The following IBTK variants were observed in gnomAD, a reference collection of about 807,000 sequenced individuals.
The protein encoded by IBTK is inhibitor of Bruton tyrosine kinase, also known as BTK-binding protein.
In IBTK, 83 loss-of-function variants were observed where a neutral mutation model predicts 154.9. That is an observed-to-expected ratio of 0.54 (90% CI 0.45 to 0.64). The LOEUF (loss-of-function observed/expected upper bound fraction) is 0.64, where lower values mean the gene tolerates loss of function less well. Ranked by LOEUF, IBTK falls within the 30% of genes least tolerant of loss-of-function variation. The pLI is 0.00. For missense variants in IBTK, 1,332 were observed against 1,584.6 expected (o/e 0.84, Z 2.71); for synonymous variants, 515 against 536.1 (o/e 0.96, Z 0.54).
chr6:82,237,643 G>GAAGA (rs1479540276), intron 2 of IBTK, among the ~76,000 whole-genome samples: 1 of 142,950 alleles, frequency 7.0e-6, no homozygotes, highest in African/African-American at 2.6e-5. Context: ...AGTAGTAGTA[G>GAAGA]TAGTAGAAGA....
At chr6:82,196,240 T>A in intron 22 of IBTK, 58 bp downstream of exon 22, 1 of 1,355,360 alleles carries the variant, frequency 7.4e-7, no homozygotes, top group Non-Finnish European at 9.9e-7. Flanking sequence ...ATATTAAAGA[T>A]AAACCATCTA....
At chr6:82,188,683 TG>T (rs1464406922) in intron 25 of IBTK, among the ~76,000 whole-genome samples, 1 of 152,122 alleles carries the variant, frequency 6.6e-6, no homozygotes, top group African/African-American at 2.4e-5. Context: ...TTTTAATGAT[TG>T]GAAAAAGTCA....
intron 1 of IBTK, among the ~76,000 whole-genome samples, chr6:82,241,569 T>TCAAAGG (rs1770954045): frequency 6.6e-6 from 1 of 152,014 alleles, no homozygotes; most frequent in South Asian, 2.1e-4. Flanking sequence ...TCTAGATGGT[T>TCAAAGG]CAAAGGCAAA....
At chr6:82,187,922 T>A (rs750568650) in intron 25 of IBTK, among the ~76,000 whole-genome samples, 4 of 151,966 alleles carry the variant, frequency 2.6e-5, no homozygotes, top group Non-Finnish European at 5.9e-5. Flanking sequence ...TGAAAACCTA[T>A]TACAAATGGT....
Position 82,223,451 on chromosome 6 carries a change from C to T in IBTK, c.1113G>A (p.Lys371=). The T allele has an allele frequency of 6.2e-7, 1 of 1,611,172 alleles. No individual in the cohort carries two copies. The highest frequency in any genetic ancestry group is 1.1e-5 in the South Asian group (1 of 90,194). The change falls in exon 8 of 29, where the codon AAG becomes AAA. Residue 371 remains lysine, a synonymous_variant. Coordinates refer to ENST00000306270, the MANE Select transcript of IBTK (RefSeq NM_015525.4). The part of the protein sequence containing the change: ...IYLLADYQCK[K]MASKQLNLKK... ...AGAAATACACATACTTAGAAGCCAT[C>T]TTCTTGCACTGATAGTCTGCAAGTA...
intron 1 of IBTK, among the ~76,000 whole-genome samples, chr6:82,242,507 A>G (rs9361906): frequency 0.24 from 36,239 of 152,084 alleles, 4,380 homozygotes; most frequent in African/African-American, 0.28. Context: ...GGCAAAACCT[A>G]CAATTACTTT....
At chr6:82,205,196 A>G (rs755882765) in intron 16 of IBTK, 20 of 285,410 alleles carry the variant, frequency 7.0e-5, no homozygotes, top group Non-Finnish European at 1.2e-4. Flanking sequence ...TGACAAAATT[A>G]CACCAAAATG....
chr6:82,176,820 C>G (rs1160473311), intron 26 of IBTK, among the ~76,000 whole-genome samples: 1 of 151,944 alleles, frequency 6.6e-6, no homozygotes, highest in Non-Finnish European at 1.5e-5. Context: ...CACCCTAACT[C>G]CCCAAAGGAC....
At chr6:82,241,003 C>T (rs1275466127) in intron 1 of IBTK, among the ~76,000 whole-genome samples, 160 bp from the exon 2 acceptor site, 2 of 152,094 alleles carry the variant, frequency 1.3e-5, no homozygotes, top group Non-Finnish European at 2.9e-5. Flanking sequence ...TATTTATATC[C>T]TAATGCTCAA....
intron 9 of IBTK, among the ~76,000 whole-genome samples, chr6:82,218,684 C>T (rs1268286987): frequency 6.6e-6 from 1 of 152,140 alleles, no homozygotes; most frequent in East Asian, 1.9e-4. Flanking sequence ...AGGGGACTTG[C>T]TAAGGGATGG....
chr6:82,201,515 AT>A, intron 18 of IBTK, 33 bp from the exon 19 acceptor site: 1 of 1,455,872 alleles, frequency 6.9e-7, no homozygotes, highest in Non-Finnish European at 9.5e-7. Flanking sequence ...CTATCTTAAG[AT>A]TCAAGTGACT....
rs186600357 is a variant in IBTK, at chr6:82,214,218, A to C, written c.2204+9T>G. On this transcript the variant is annotated intron_variant, in intron 12 of 28. Coordinates refer to ENST00000306270, the MANE Select transcript of IBTK (RefSeq NM_015525.4). Reference sequence around the variant, plus strand: ...AGGTACAGGAACAGATATAAAAGAGAAATCATACCTACTACTCAAATTACT... The same window carrying C: ...AGGTACAGGAACAGATATAAAAGAGCAATCATACCTACTACTCAAATTACT... 1 of 1,599,070 alleles carries C rather than the reference A, an allele frequency of 6.3e-7. No homozygotes were observed. The highest frequency in any genetic ancestry group is 1.4e-5 in the African/African-American group (1 of 74,028).
intron 19 of IBTK, among the ~76,000 whole-genome samples, chr6:82,201,037 T>C (rs1231697095): frequency 6.6e-6 from 1 of 152,084 alleles, no homozygotes; most frequent in African/African-American, 2.4e-5. Flanking sequence ...ATAAAAACTT[T>C]ATTCCATAAA....
intron 26 of IBTK, among the ~76,000 whole-genome samples, chr6:82,176,002 C>T (rs1768099307): frequency 6.6e-6 from 1 of 150,960 alleles, no homozygotes; most frequent in South Asian, 2.1e-4. Context: ...GCACTCCAGC[C>T]TGGGCAACAA....
chr6:82,220,616 T>G lies in IBTK; in HGVS notation c.1222A>C (p.Ile408Leu). The change falls in exon 9 of 29, where the codon ATT becomes CTT. Residue 408 changes from isoleucine (I) to leucine (L), a missense_variant. By Grantham distance (5) the Ile-to-Leu change is conservative (BLOSUM62 2). This residue lies in a region of IBTK where 1,134 missense variants were observed against 1,274.7 expected (regional missense o/e 0.89). Coordinates refer to ENST00000306270, the MANE Select transcript of IBTK (RefSeq NM_015525.4). ...LKENGGQKIC[I>L]LAMDGAGRVF... is the part of the protein sequence containing the mutation. ...CTTCCAGCTCCATCCATTGCAAGAA[T>G]GCAAATTTTTTGACCCCCATTTTCT... 2.5e-6 allele frequency: 4 copies of G among 1,612,754 alleles called. No homozygotes were observed. Among genetic ancestry groups the G allele is most frequent in the Non-Finnish European group, 3.4e-6 (4 of 1,179,600 alleles).
rs191661846 is a variant in IBTK, at chr6:82,194,641, G to C, written c.3176C>G (p.Ala1059Gly). Residue 1059 changes from alanine (A) to glycine (G), a missense_variant and splice_region_variant, in exon 23 of 29, where the codon GCG (alanine) becomes GGG (glycine). Coordinates refer to ENST00000306270, the MANE Select transcript of IBTK (RefSeq NM_015525.4). ...ACCATTAACATACGGTTTGACTTTC[G>C]CCTGGGGAGAGAAAAAAAATAAAAA... ...TTGFHSDKIE[A>G]KVKPYVNGTS... 3 of 1,561,722 alleles carry C rather than the reference G, an allele frequency of 1.9e-6. No homozygotes were observed. The Admixed American group carries it at 5.9e-5, about 31-fold the overall frequency.
At position 82,196,342 on chromosome 6, in the gene IBTK, G is replaced by A; in HGVS notation, c.3130C>T (p.Gln1044Ter). Residue 1044 changes from glutamine to a stop codon, truncating the protein, a stop_gained, in exon 22 of 29, where the codon CAG becomes TAG. Coordinates refer to ENST00000306270, the MANE Select transcript of IBTK (RefSeq NM_015525.4). LOFTEE classifies it high-confidence loss of function. Reference sequence around the variant, plus strand: ...AATCCTGTTGTGAAATCAGGGGACTGTAAATCTCTAGGACTACCCACTCCT... The same window carrying A: ...AATCCTGTTGTGAAATCAGGGGACTATAAATCTCTAGGACTACCCACTCCT... ...YAGVGSPRDL[Q>*]SPDFTTGFHS... is the part of the protein sequence containing the mutation. 1 of 1,610,634 alleles carries A rather than the reference G, an allele frequency of 6.2e-7. No homozygotes were observed. Among genetic ancestry groups the A allele is most frequent in the African/African-American group, 1.3e-5 (1 of 74,922 alleles).
chr6:82,192,747 CAAA>C (rs148526883), intron 23 of IBTK, among the ~76,000 whole-genome samples: 11 of 89,138 alleles, frequency 1.2e-4, no homozygotes, highest in Admixed American at 1.2e-4. Context: ...AACTCTGTCT[CAAA>C]AAAAAAAAAA....
At position 82,220,800 on chromosome 6, in the gene IBTK, A is replaced by G. The variant is rs560936239; in HGVS notation, c.1125-87T>C. Reference sequence around the variant, plus strand: ...TCAAAGAAGTTAGTATTCAAACAACAATCTATAGGCAATTATTGTGAAGGT... The same window carrying G: ...TCAAAGAAGTTAGTATTCAAACAACGATCTATAGGCAATTATTGTGAAGGT... On this transcript the variant is annotated intron_variant, in intron 8 of 28. Coordinates refer to ENST00000306270, the MANE Select transcript of IBTK (RefSeq NM_015525.4). 13 of 1,037,922 alleles carry G rather than the reference A, an allele frequency of 1.3e-5. No individual in the cohort carries two copies. The South Asian group carries it at 2.8e-4, about 22-fold the overall frequency. 64.3% of individuals were successfully genotyped at this position (1,037,922 alleles called of 1,614,324 possible).
Sources: allele counts gnomAD v4.1 joint callset (sites outside exome capture counted in the v4.1 genomes callset), GRCh38; gene constraint gnomAD v4.1.1; regional missense constraint gnomAD v4.1.1; transcripts MANE v1.5; gene names NCBI Gene and HGNC (gene_info 2026-07-23, HGNC 2026-07-21).